Variants in BCHE observed in about 807,000 individuals in gnomAD.
BCHE encodes the protein butyrylcholinesterase.
A neutral mutation model predicts 51.3 loss-of-function variants in BCHE; 48 were observed. The observed-to-expected ratio is 0.94, with a 90% CI of 0.74 to 1.19. The LOEUF is 1.19. Among genes scored for constraint, BCHE ranks in the 50% most tolerant of loss-of-function variants. The probability of loss-of-function intolerance (pLI) is 0.00; values close to 1 mark genes in which losing one functional copy is unlikely to be tolerated. For missense variants in BCHE, 847 were observed against 708.2 expected (o/e 1.20, Z -2.23); for synonymous variants, 251 against 238.0 (o/e 1.05, Z -0.50).
At chr3:165,773,697 G>A (rs1398506448) in intron 3 of BCHE, among the ~76,000 whole-genome samples, 191 bp from the exon 4 acceptor site, 1 of 151,884 alleles carries the variant, frequency 6.6e-6, no homozygotes. Context: ...TACAGATTAT[G>A]TGAAAATGCA....
chr3:165,815,875 C>T (rs559724918), intron 2 of BCHE, among the ~76,000 whole-genome samples: 22 of 152,124 alleles, frequency 1.4e-4, no homozygotes, highest in African/African-American at 5.3e-4. Context: ...TTTGTCACTA[C>T]TTATACCAGG....
intron 2 of BCHE, among the ~76,000 whole-genome samples, chr3:165,817,717 T>A (rs988617580): frequency 1.4e-4 from 22 of 152,242 alleles, no homozygotes; most frequent in African/African-American, 4.8e-4. Context: ...TCTTGCTCTA[T>A]GCTTCTGTGT....
At chr3:165,779,699 G>C (rs891391021) in intron 3 of BCHE, among the ~76,000 whole-genome samples, 1 of 151,978 alleles carries the variant, frequency 6.6e-6, no homozygotes, top group African/African-American at 2.4e-5. Flanking sequence ...TAGGAACACA[G>C]CTAACAAAGG....
intron 2 of BCHE, chr3:165,827,853 A>C: frequency 3.3e-6 from 1 of 299,728 alleles, no homozygotes; most frequent in Non-Finnish European, 6.6e-6. Context: ...AGAAGGAATA[A>C]AATATTTTAC....
chr3:165,811,254 G>A (rs542037902), intron 2 of BCHE, among the ~76,000 whole-genome samples: 1 of 152,176 alleles, frequency 6.6e-6, no homozygotes, highest in Middle Eastern at 3.4e-3. Context: ...ACTCTTGACA[G>A]AAAGGTTAAA....
intron 3 of BCHE, chr3:165,777,822 G>A: frequency 2.2e-6 from 1 of 450,226 alleles, no homozygotes; most frequent in South Asian, 1.6e-5. Context: ...TGACAAGTAT[G>A]AAAACCTTTG....
At chr3:165,824,038 A>C (rs1293028634) in intron 2 of BCHE, among the ~76,000 whole-genome samples, 1 of 151,948 alleles carries the variant, frequency 6.6e-6, no homozygotes, top group African/African-American at 2.4e-5. Context: ...TGGCTTCCCA[A>C]AGTGGTGGGA....
chr3:165,818,989 A>T (rs1265969307), intron 2 of BCHE, among the ~76,000 whole-genome samples: 1 of 152,080 alleles, frequency 6.6e-6, no homozygotes, highest in Non-Finnish European at 1.5e-5. Context: ...TGGAAATTCA[A>T]TTAAAAGTCA....
chr3:165,788,288 C>T lies in BCHE; in HGVS notation c.1518-1977G>A, dbSNP rs549963860. On this transcript the variant is annotated intron_variant, in intron 2 of 3. Coordinates refer to ENST00000264381, the MANE Select transcript of BCHE (RefSeq NM_000055.4). ...TATCATAGATGCAGACATGTTCAAC[C>T]ATGAATTCAGGAGCTTTAGAGACAA... Among the ~76,000 whole-genome samples, 21 of 152,050 alleles carry T rather than the reference C, an allele frequency of 1.4e-4. No homozygotes were observed. The East Asian group carries it at 3.9e-3, about 28-fold the overall frequency.
intron 3 of BCHE, among the ~76,000 whole-genome samples, chr3:165,781,051 G>A (rs967971791): frequency 2.0e-5 from 3 of 152,106 alleles, no homozygotes; most frequent in Non-Finnish European, 2.9e-5. Context: ...AGATCAGCCT[G>A]ACCAACATGG....
chr3:165,819,312 G>A (rs185998683), intron 2 of BCHE, among the ~76,000 whole-genome samples: 18 of 151,788 alleles, frequency 1.2e-4, no homozygotes, highest in Admixed American at 6.6e-4. Context: ...TCCTGACCTC[G>A]GATGATCCTC....
chr3:165,828,846 G>A (rs1411559332), intron 2 of BCHE, among the ~76,000 whole-genome samples: 1 of 151,818 alleles, frequency 6.6e-6, no homozygotes, highest in Non-Finnish European at 1.5e-5. Context: ...TATAATATAT[G>A]GGGGAAATAT....
chr3:165,795,389 A>G (rs538948894), intron 2 of BCHE, among the ~76,000 whole-genome samples: 2 of 152,176 alleles, frequency 1.3e-5, no homozygotes, highest in Non-Finnish European at 2.9e-5. Flanking sequence ...AGGTCTTTAT[A>G]ACTGTATTCT....
chr3:165,784,594 C>A (rs2108201133), intron 3 of BCHE, among the ~76,000 whole-genome samples: 1 of 151,926 alleles, frequency 6.6e-6, no homozygotes, highest in South Asian at 2.1e-4. Context: ...CAGCAGCTGG[C>A]AAAAACTTTG....
chr3:165,784,388 A>T (rs1712857868), intron 3 of BCHE, among the ~76,000 whole-genome samples: 1 of 151,966 alleles, frequency 6.6e-6, no homozygotes, highest in Non-Finnish European at 1.5e-5. Context: ...TTTACTTCAA[A>T]ATTATAAAAT....
At chr3:165,816,813 C>T (rs1257416972) in intron 2 of BCHE, among the ~76,000 whole-genome samples, 1 of 151,944 alleles carries the variant, frequency 6.6e-6, no homozygotes, top group African/African-American at 2.4e-5. Context: ...CTCCCTCTAA[C>T]CTTGAGGTGC....
At chr3:165,796,485 T>C (rs1713382338) in intron 2 of BCHE, among the ~76,000 whole-genome samples, 1 of 152,218 alleles carries the variant, frequency 6.6e-6, no homozygotes, top group Non-Finnish European at 1.5e-5. Flanking sequence ...TCAGTCAGTA[T>C]TGTTAAGCTC....
intron 3 of BCHE, among the ~76,000 whole-genome samples, chr3:165,777,326 T>G (rs1231461905): frequency 6.6e-6 from 1 of 150,866 alleles, no homozygotes; most frequent in Non-Finnish European, 1.5e-5. Context: ...GATAATTTAC[T>G]TTTTGCCAAA....
intron 3 of BCHE, among the ~76,000 whole-genome samples, chr3:165,778,101 T>C (rs1226428801): frequency 6.6e-6 from 1 of 152,042 alleles, no homozygotes; most frequent in Non-Finnish European, 1.5e-5. Context: ...ACCCCCAGAT[T>C]GTTTTTCCAG....
Sources: gnomAD v4.1 joint callset for allele counts (sites outside exome capture counted in the v4.1 genomes callset) on GRCh38, gnomAD v4.1.1 for gene constraint, MANE v1.5 for transcripts, NCBI Gene and HGNC (gene_info 2026-07-23, HGNC 2026-07-21) for gene names.